The following PTPRD variants were observed in gnomAD, a reference collection of about 807,000 sequenced individuals.
The protein encoded by PTPRD is protein tyrosine phosphatase receptor type D, also known as receptor-type tyrosine-protein phosphatase delta.
In PTPRD, 34 loss-of-function variants were observed where a neutral mutation model predicts 214.5. The ratio of observed to expected loss-of-function variants is 0.16; its 90% CI spans 0.12 to 0.21. The LOEUF is 0.21. Among genes scored for constraint, PTPRD ranks in the 10% least tolerant of loss-of-function variants. The probability of loss-of-function intolerance (pLI) is 1.00; values close to 1 mark genes in which losing one functional copy is unlikely to be tolerated. For missense variants in PTPRD, 2,545 were observed against 2,398.7 expected, an observed-to-expected ratio of 1.06 and a Z score of -1.27; for synonymous variants, 1,128 against 845.7, an observed-to-expected ratio of 1.33 and a Z score of -5.79.
chr9:8,421,787 T>A (rs1020629686), intron 35 of PTPRD, among the ~76,000 whole-genome samples: 1 of 152,092 alleles, frequency 6.6e-6, no homozygotes, highest in Non-Finnish European at 1.5e-5. Flanking sequence ...GTGGTCTTCT[T>A]GATTCTTTAT....
At chr9:9,825,751 A>G (rs1046256873) in intron 5 of PTPRD, among the ~76,000 whole-genome samples, 1 of 150,558 alleles carries the variant, frequency 6.6e-6, no homozygotes, top group African/African-American at 2.4e-5. Flanking sequence ...GGTTCACGTA[A>G]CTCTCATTTT....
chr9:9,650,947 G>C (rs2096327086), intron 7 of PTPRD, among the ~76,000 whole-genome samples: 2 of 151,868 alleles, frequency 1.3e-5, no homozygotes, highest in African/African-American at 4.8e-5. Context: ...ATTCTAGAGT[G>C]TATAAAACAT....
intron 7 of PTPRD, among the ~76,000 whole-genome samples, chr9:9,629,318 T>A (rs953005407): frequency 1.3e-5 from 2 of 151,080 alleles, no homozygotes; most frequent in African/African-American, 4.9e-5. Flanking sequence ...GGTATTTATT[T>A]AGTTACTTAA....
chr9:10,405,586 A>T (rs1462879624), intron 2 of PTPRD, among the ~76,000 whole-genome samples: 1 of 151,670 alleles, frequency 6.6e-6, no homozygotes, highest in Non-Finnish European at 1.5e-5. Context: ...TGTCTGGTTC[A>T]GAATCTTCTC....
intron 9 of PTPRD, among the ~76,000 whole-genome samples, chr9:9,385,844 A>G (rs2063705846): frequency 6.6e-6 from 1 of 152,194 alleles, no homozygotes; most frequent in African/African-American, 2.4e-5. Context: ...CCAAAGATAC[A>G]TAGAAGGTAA....
chr9:10,146,439 T>G (rs1490942403), intron 3 of PTPRD, among the ~76,000 whole-genome samples: 1 of 152,038 alleles, frequency 6.6e-6, no homozygotes, highest in Non-Finnish European at 1.5e-5. Context: ...ATAAAATAAT[T>G]TCAGATGATG....
chr9:10,159,812 A>AG (rs1377461315), intron 3 of PTPRD, among the ~76,000 whole-genome samples: 1 of 149,570 alleles, frequency 6.7e-6, no homozygotes, highest in Non-Finnish European at 1.5e-5. Context: ...ACACAGCTAG[A>AG]GGGAAAAAAA....
At chr9:10,159,715 A>C (rs894103803) in intron 3 of PTPRD, among the ~76,000 whole-genome samples, 1 of 151,448 alleles carries the variant, frequency 6.6e-6, no homozygotes, top group South Asian at 2.1e-4. Flanking sequence ...TTTGCTGAGC[A>C]AAAAAAAATT....
chr9:9,992,053 GT>G (rs2095954244), intron 4 of PTPRD, among the ~76,000 whole-genome samples: 1 of 152,148 alleles, frequency 6.6e-6, no homozygotes, highest in African/African-American at 2.4e-5. Flanking sequence ...ACCCATGAGA[GT>G]TAGAAAGTAG....
intron 2 of PTPRD, among the ~76,000 whole-genome samples, chr9:10,511,473 G>A (rs746268801): frequency 7.2e-5 from 11 of 151,822 alleles, no homozygotes; most frequent in Non-Finnish European, 1.2e-4. Flanking sequence ...GTGCTATCTT[G>A]GCTCACTGCA....
chr9:9,436,504 T>G (rs1240381711), intron 8 of PTPRD, among the ~76,000 whole-genome samples: 2 of 152,202 alleles, frequency 1.3e-5, no homozygotes, highest in Non-Finnish European at 2.9e-5. Context: ...CCTTGATTTT[T>G]GGATGGAGTT....
chr9:10,389,765 C>T (rs192568870), intron 2 of PTPRD, among the ~76,000 whole-genome samples: 31 of 151,918 alleles, frequency 2.0e-4, no homozygotes, highest in Middle Eastern at 3.4e-3. Flanking sequence ...ACATAAAATA[C>T]TTTACAAACA....
chr9:10,080,795 A>T (rs1174347495), intron 3 of PTPRD, among the ~76,000 whole-genome samples: 2 of 152,164 alleles, frequency 1.3e-5, no homozygotes, highest in African/African-American at 4.8e-5. Context: ...CTTGACCATT[A>T]AAAAGCTACC....
chr9:9,446,385 C>G (rs1326527356), intron 8 of PTPRD, among the ~76,000 whole-genome samples: 2 of 152,104 alleles, frequency 1.3e-5, no homozygotes, highest in African/African-American at 4.8e-5. Flanking sequence ...CTTAATATAC[C>G]TGTGAGGGAA....
intron 8 of PTPRD, among the ~76,000 whole-genome samples, chr9:9,457,102 G>T (rs1365982845): frequency 6.6e-6 from 1 of 151,848 alleles, no homozygotes; most frequent in Non-Finnish European, 1.5e-5. Context: ...ACAGCAATAG[G>T]GTAGTGAGTA....
chr9:8,336,024 C>G (rs1846320188), intron 43 of PTPRD, among the ~76,000 whole-genome samples: 1 of 151,814 alleles, frequency 6.6e-6, no homozygotes, highest in African/African-American at 2.4e-5. Context: ...GTGAAAATGG[C>G]CATACTGCCC....
At chr9:9,793,986 A>C (rs2098984750) in intron 5 of PTPRD, among the ~76,000 whole-genome samples, 1 of 152,170 alleles carries the variant, frequency 6.6e-6, no homozygotes. Flanking sequence ...AAATAAAAAG[A>C]CTTAATCTGA....
intron 9 of PTPRD, among the ~76,000 whole-genome samples, chr9:9,341,396 G>A (rs991690981): frequency 1.1e-4 from 17 of 152,060 alleles, no homozygotes; most frequent in African/African-American, 3.4e-4. Flanking sequence ...GGGCGCAGGT[G>A]TCTGTTAGTA....
chr9:9,083,852 G>GAC (rs2099762802), intron 10 of PTPRD, among the ~76,000 whole-genome samples: 1 of 152,154 alleles, frequency 6.6e-6, no homozygotes, highest in African/African-American at 2.4e-5. Flanking sequence ...ACCACAACAA[G>GAC]ACACCATCTC....
Sources: allele counts gnomAD v4.1 joint callset (sites outside exome capture counted in the v4.1 genomes callset), GRCh38; gene constraint gnomAD v4.1.1; transcripts MANE v1.5; gene names NCBI Gene and HGNC (gene_info 2026-07-23, HGNC 2026-07-21).